The following CNTN4 variants were observed in gnomAD, a reference collection of about 807,000 sequenced individuals.
CNTN4 encodes the protein contactin-4.
In CNTN4, 77 loss-of-function variants were observed where a neutral mutation model predicts 122.5. The ratio of observed to expected loss-of-function variants is 0.63; its 90% confidence interval spans 0.52 to 0.76. The LOEUF (loss-of-function observed/expected upper bound fraction) is 0.76. CNTN4 is among the 30% of genes least tolerant of loss of function. The pLI, the probability that CNTN4 is intolerant of heterozygous loss-of-function variation, is 0.00. For synonymous variants in CNTN4, 512 were observed against 447.0 expected, an observed-to-expected ratio of 1.15 and a Z score of -1.83; for missense variants, 1,256 against 1,259.1, an observed-to-expected ratio of 1.00 and a Z score of 0.04.
At chr3:2,377,543 C>T (rs2045866679) in intron 3 of CNTN4, among the ~76,000 whole-genome samples, 1 of 152,136 alleles carries the variant, frequency 6.6e-6, no homozygotes. Flanking sequence ...TGCACAGTAT[C>T]ACACTAATTT....
chr3:2,430,163 C>G (rs539600475), intron 3 of CNTN4, among the ~76,000 whole-genome samples: 13 of 152,174 alleles, frequency 8.5e-5, no homozygotes, highest in African/African-American at 1.7e-4. Flanking sequence ...GTGGCTCACA[C>G]CTGTAATCCC....
At chr3:3,008,939 G>A (rs1310507270) in intron 14 of CNTN4, 14 of 985,086 alleles carry the variant, frequency 1.4e-5, no homozygotes, top group African/African-American at 1.7e-5. Context: ...CCAAAAGAAG[G>A]GCGCCAAACC....
intron 2 of CNTN4, among the ~76,000 whole-genome samples, chr3:2,120,723 T>C (rs2125203944): frequency 6.6e-6 from 1 of 152,120 alleles, no homozygotes; most frequent in Admixed American, 6.5e-5. Context: ...TTTTTAAGTA[T>C]GCATGTGACT....
chr3:2,707,886 G>A (rs1292467392), intron 4 of CNTN4, among the ~76,000 whole-genome samples: 2 of 152,112 alleles, frequency 1.3e-5, no homozygotes. Flanking sequence ...TGCGAGTAAG[G>A]TAGCAAATAT....
chr3:2,688,735 C>G (rs532197898), intron 4 of CNTN4, among the ~76,000 whole-genome samples: 1 of 152,270 alleles, frequency 6.6e-6, no homozygotes, highest in South Asian at 2.1e-4. Flanking sequence ...TGCCCATTTC[C>G]CTAGTTAAGT....
chr3:2,554,449 T>A (rs2078638800), intron 3 of CNTN4, among the ~76,000 whole-genome samples: 1 of 152,178 alleles, frequency 6.6e-6, no homozygotes, highest in Non-Finnish European at 1.5e-5. Context: ...TCATCCTGCA[T>A]TTGTACAATG....
rs184720547 is a variant in CNTN4 at position 2,385,269 on chromosome 3, T to C, written c.-89+46036T>C. Among the ~76,000 whole-genome samples the C allele has an allele frequency of 8.6e-5, 13 of 151,506 alleles. No homozygotes were observed. The highest frequency in any genetic ancestry group is 2.7e-4 in the Admixed American group (4 of 15,092). On this transcript the variant is annotated intron_variant, in intron 3 of 24. Coordinates refer to ENST00000418658, the MANE Select transcript of CNTN4 (RefSeq NM_175607.3). This position sits in a 1 kb window ranked among gnomAD's most constrained non-coding sequence, Gnocchi z 4.0. ...TTTATTTTTATTTCTACACTTTTTA[T>C]TTCTACAGTAATATCAAATCACTTA...
rs75300617 is a variant in CNTN4 at position 2,786,491 on chromosome 3, C to T, written c.359-32995C>T. On this transcript the variant is annotated intron_variant, in intron 6 of 24. Coordinates refer to ENST00000418658, the MANE Select transcript of CNTN4 (RefSeq NM_175607.3). ...TCAACGGGTTAAGATCTGTGGGCTG[C>T]GTAAGCAAGCTACCCCTTCACAAGT... 5.8e-3 allele frequency among the ~76,000 whole-genome samples: 887 copies of T among 152,270 alleles called. 8 individuals carry two copies. Among genetic ancestry groups the T allele is most frequent in the African/African-American group, 0.019 (798 of 41,550 alleles).
chr3:2,679,278 C>T (rs1258837617), intron 4 of CNTN4, among the ~76,000 whole-genome samples: 1 of 152,098 alleles, frequency 6.6e-6, no homozygotes. Flanking sequence ...CACATTGATG[C>T]TTAATTATTG....
intron 2 of CNTN4, among the ~76,000 whole-genome samples, chr3:2,148,942 CTGTGTGTGTGTGTGTGTG>C: frequency 6.7e-6 from 1 of 149,206 alleles, no homozygotes; most frequent in East Asian, 2.0e-4. Context: ...ACTACCGTGA[CTGTGTGTGTGTGTGTGTG>C]TGTGTGTGTG....
intron 2 of CNTN4, among the ~76,000 whole-genome samples, chr3:2,119,786 G>T (rs2033599649): frequency 7.0e-6 from 1 of 143,440 alleles, no homozygotes; most frequent in African/African-American, 2.6e-5. Flanking sequence ...GGGTAGAAAA[G>T]AAAAGAAGTG....
chr3:2,120,586 AG>A (rs1236361574), intron 2 of CNTN4, among the ~76,000 whole-genome samples: 2 of 151,022 alleles, frequency 1.3e-5, no homozygotes, highest in African/African-American at 2.4e-5. Flanking sequence ...TATTTTTAGT[AG>A]AGAGGAGGGT....
chr3:2,693,456 C>G (rs978902976), intron 4 of CNTN4, among the ~76,000 whole-genome samples: 3 of 152,040 alleles, frequency 2.0e-5, no homozygotes, highest in African/African-American at 7.2e-5. Context: ...GATCCCTACC[C>G]TCTAAAAGCA....
intron 4 of CNTN4, among the ~76,000 whole-genome samples, chr3:2,616,089 T>G (rs909310766): frequency 6.6e-6 from 1 of 151,658 alleles, no homozygotes; most frequent in African/African-American, 2.4e-5. Flanking sequence ...CATAGGTATA[T>G]GTGTGCCATG....
intron 3 of CNTN4, among the ~76,000 whole-genome samples, chr3:2,545,380 T>C (rs1379893460): frequency 6.6e-6 from 1 of 152,038 alleles, no homozygotes; most frequent in Non-Finnish European, 1.5e-5. Flanking sequence ...TGGGTCCATT[T>C]GGTCAAGTGT....
At chr3:2,584,286 G>A (rs13077811) in intron 4 of CNTN4, among the ~76,000 whole-genome samples, 14,860 of 152,156 alleles carry the variant, frequency 0.098, 963 homozygotes, top group Non-Finnish European at 0.14. Context: ...GGGAGTAGGA[G>A]GGAAAGAGAG....
chr3:2,856,374 G>C (rs1048026174), intron 7 of CNTN4, among the ~76,000 whole-genome samples: 1 of 152,140 alleles, frequency 6.6e-6, no homozygotes, highest in African/African-American at 2.4e-5. Flanking sequence ...TCAGGAAATG[G>C]CTTTTTGCAA....
chr3:2,464,762 G>T (rs1293417589), intron 3 of CNTN4, among the ~76,000 whole-genome samples: 2 of 152,208 alleles, frequency 1.3e-5, no homozygotes, highest in Non-Finnish European at 2.9e-5. Flanking sequence ...GGAAAATGAG[G>T]TATCCTAAAT....
chr3:2,864,629 C>T (rs1559595357), intron 7 of CNTN4, among the ~76,000 whole-genome samples: 1 of 150,638 alleles, frequency 6.6e-6, no homozygotes, highest in African/African-American at 2.4e-5. Context: ...GTCCCAGCTA[C>T]TTGGGAGGCT....
Sources: gnomAD v4.1 joint callset for allele counts (sites outside exome capture counted in the v4.1 genomes callset) on GRCh38, gnomAD v4.1.1 for gene constraint, Gnocchi (gnomAD v3.1) non-coding constraint, MANE v1.5 for transcripts, NCBI Gene and HGNC (gene_info 2026-07-23, HGNC 2026-07-21) for gene names.